ZNF385D: variants seen among roughly 807,000 people sequenced by gnomAD.
The protein encoded by ZNF385D is zinc finger protein 659.
Under a neutral mutation model 35.8 loss-of-function variants are expected in ZNF385D, and 15 were observed. The ratio of observed to expected loss-of-function variants is 0.42; its 90% CI spans 0.28 to 0.64. The LOEUF (loss-of-function observed/expected upper bound fraction) is 0.64, where lower values mean the gene tolerates loss of function less well. Among genes scored for constraint, ZNF385D ranks in the 30% least tolerant of loss-of-function variants. ZNF385D has a pLI of 0.23. For missense variants in ZNF385D, 474 were observed against 494.6 expected, an observed-to-expected ratio of 0.96 and a Z score of 0.39; for synonymous variants, 212 against 186.8, an observed-to-expected ratio of 1.13 and a Z score of -1.10.
At chr3:21,684,406 T>C (rs867706083) in intron 1 of ZNF385D, among the ~76,000 whole-genome samples, 114 of 42,536 alleles carry the variant, frequency 2.7e-3, no homozygotes, top group African/African-American at 8.6e-3. Flanking sequence ...CTCTCTCTCC[T>C]CTCTCTCTCT....
intron 1 of ZNF385D, among the ~76,000 whole-genome samples, chr3:21,729,975 T>C (rs1238731926): frequency 6.6e-6 from 1 of 152,228 alleles, no homozygotes; most frequent in Non-Finnish European, 1.5e-5. Context: ...CTCACTTATC[T>C]TTTAATTACT....
chr3:22,110,464 AATG>A (rs1402972974), intron 3 of ZNF385D, among the ~76,000 whole-genome samples: 4 of 152,170 alleles, frequency 2.6e-5, no homozygotes, highest in Admixed American at 2.6e-4. Context: ...AGCCATAAAA[AATG>A]ATGAGTTCAT....
At chr3:22,122,048 T>C (rs947218350) in intron 3 of ZNF385D, among the ~76,000 whole-genome samples, 2 of 152,176 alleles carry the variant, frequency 1.3e-5, no homozygotes, top group African/African-American at 2.4e-5. Flanking sequence ...GGTGGACTGA[T>C]AGCCACTAGA....
chr3:21,688,038 G>A (rs758321009), intron 1 of ZNF385D, among the ~76,000 whole-genome samples: 3 of 151,984 alleles, frequency 2.0e-5, no homozygotes, highest in Non-Finnish European at 2.9e-5. Flanking sequence ...GGGATTACGG[G>A]CATGGCCAGA....
chr3:22,283,791 T>G (rs1289679151), intron 2 of ZNF385D, among the ~76,000 whole-genome samples: 1 of 152,186 alleles, frequency 6.6e-6, no homozygotes, highest in Non-Finnish European at 1.5e-5. Flanking sequence ...CAAATTTTAT[T>G]TGGATTCCCT....
chr3:21,776,408 GT>G (rs2071290278), intron 3 of ZNF385D, among the ~76,000 whole-genome samples: 1 of 151,904 alleles, frequency 6.6e-6, no homozygotes, highest in Non-Finnish European at 1.5e-5. Context: ...TGACGGCTCA[GT>G]TTTACTCCAC....
intron 3 of ZNF385D, among the ~76,000 whole-genome samples, chr3:21,851,230 C>T (rs1028302425): frequency 6.6e-6 from 1 of 151,956 alleles, no homozygotes; most frequent in South Asian, 2.1e-4. Flanking sequence ...GATAGCTGAT[C>T]AGGCATTACA....
chr3:21,680,170 T>G (rs1363371037), intron 1 of ZNF385D, among the ~76,000 whole-genome samples: 1 of 152,106 alleles, frequency 6.6e-6, no homozygotes, highest in Admixed American at 6.6e-5. Context: ...CATCTTTCAT[T>G]CCTCTCAGAT....
intron 2 of ZNF385D, among the ~76,000 whole-genome samples, chr3:22,221,374 T>C (rs1197240994): frequency 6.6e-6 from 1 of 152,150 alleles, no homozygotes; most frequent in African/African-American, 2.4e-5. Flanking sequence ...CCAATCACAT[T>C]GCATATATAC....
chr3:22,136,707 T>A (rs577507905), intron 3 of ZNF385D, among the ~76,000 whole-genome samples: 1 of 152,122 alleles, frequency 6.6e-6, no homozygotes, highest in Non-Finnish European at 1.5e-5. Flanking sequence ...AATAGGAGTA[T>A]GGATAAGCAA....
intron 2 of ZNF385D, among the ~76,000 whole-genome samples, chr3:22,356,902 T>C (rs1255382479): frequency 6.6e-6 from 1 of 151,860 alleles, no homozygotes; most frequent in Non-Finnish European, 1.5e-5. Flanking sequence ...TGAGTGGTAA[T>C]AAAATCAGAG....
At chr3:22,285,614 G>A (rs1465712709) in intron 2 of ZNF385D, among the ~76,000 whole-genome samples, 1 of 152,062 alleles carries the variant, frequency 6.6e-6, no homozygotes, top group African/African-American at 2.4e-5. Flanking sequence ...CATGTGCCAT[G>A]TTGGTGTGCC....
At chr3:21,898,796 G>A (rs1699263170) in intron 3 of ZNF385D, among the ~76,000 whole-genome samples, 1 of 152,008 alleles carries the variant, frequency 6.6e-6, no homozygotes, top group Admixed American at 6.6e-5. Flanking sequence ...TAAAGCAAAG[G>A]CTACCACGAC....
intron 3 of ZNF385D, among the ~76,000 whole-genome samples, chr3:21,833,421 G>T (rs1434806819): frequency 3.3e-5 from 5 of 152,162 alleles, no homozygotes; most frequent in African/African-American, 1.2e-4. Context: ...TGTAAGAGAG[G>T]TGGGAAGGCT....
chr3:21,432,044 CT>C (rs1328205976), intron 5 of ZNF385D, among the ~76,000 whole-genome samples: 5 of 151,538 alleles, frequency 3.3e-5, no homozygotes, highest in African/African-American at 4.8e-5. Flanking sequence ...ACAAATACAA[CT>C]TTTTTTTTCA....
rs574637298 is a variant in ZNF385D, at chr3:21,683,401, G to C, written c.23-18373C>G. On this transcript the variant is annotated intron_variant, in intron 1 of 7. Coordinates refer to ENST00000281523, the MANE Select transcript of ZNF385D (RefSeq NM_024697.3). ...TGGGAGGCCGAGTTGGGTGGATCAC[G>C]AGGTCAGGAGATCAAGACCATCCTG... is the stretch of plus-strand genomic sequence containing the variant. 2.1e-4 allele frequency among the ~76,000 whole-genome samples: 31 copies of C among 149,782 alleles called. 1 individual carries two copies. The highest frequency in any genetic ancestry group is 6.9e-4 in the African/African-American group (28 of 40,710).
intron 3 of ZNF385D, among the ~76,000 whole-genome samples, chr3:21,948,026 A>C (rs1701880765): frequency 6.6e-6 from 1 of 152,078 alleles, no homozygotes; most frequent in Non-Finnish European, 1.5e-5. Context: ...ATTATAATTA[A>C]TTTTCATATA....
chr3:21,776,292 C>A (rs1277021885), intron 3 of ZNF385D, among the ~76,000 whole-genome samples: 1 of 151,838 alleles, frequency 6.6e-6, no homozygotes, highest in Non-Finnish European at 1.5e-5. Flanking sequence ...AAATGTAATA[C>A]TAGGTTAAAG....
chr3:21,971,087 G>T (rs1435021046), intron 3 of ZNF385D, among the ~76,000 whole-genome samples: 1 of 151,958 alleles, frequency 6.6e-6, no homozygotes, highest in Non-Finnish European at 1.5e-5. Flanking sequence ...CAATTTGAAA[G>T]AAAAAGACAT....
Sources: allele counts gnomAD v4.1 joint callset (sites outside exome capture counted in the v4.1 genomes callset), GRCh38; gene constraint gnomAD v4.1.1; transcripts MANE v1.5; gene names NCBI Gene and HGNC (gene_info 2026-07-23, HGNC 2026-07-21).